RASAL3: variants seen among roughly 807,000 people sequenced by gnomAD.
RASAL3 encodes the protein RAS protein activator like-3.
RASAL3 carries 74 observed loss-of-function variants against 105.5 expected under a neutral mutation model. The observed-to-expected ratio is 0.70, with a 90% CI of 0.58 to 0.85. The LOEUF (loss-of-function observed/expected upper bound fraction) is 0.85, where lower values mean the gene tolerates loss of function less well. RASAL3 is among the 40% of genes least tolerant of loss of function. RASAL3 has a pLI of 0.00. For missense variants in RASAL3, 1,352 were observed against 1,392.0 expected, an observed-to-expected ratio of 0.97 and a Z score of 0.46; for synonymous variants, 579 against 591.6, an observed-to-expected ratio of 0.98 and a Z score of 0.31.
rs761364531 is a variant in RASAL3, at chr19:15,456,178, C to T, written c.1647G>A (p.Ser549=). Residue 549 remains serine (S), a synonymous_variant, in exon 11 of 18, where the codon TCG becomes TCA. Transcript: ENST00000343625. The surrounding 1 kb of genome is among the most constrained non-coding windows in gnomAD (Gnocchi z 4.4). ...CEVDPSKCPA[S]ELPEHQARLR... ...GTCTGGCCTGGTGCTCTGGCAGCTCCGAGGCTGGACATTTGCTGGGGTCCA... is the reference window on the plus strand; with the variant it reads ...GTCTGGCCTGGTGCTCTGGCAGCTCTGAGGCTGGACATTTGCTGGGGTCCA... 2 of 1,613,768 alleles carry T rather than the reference C, an allele frequency of 1.2e-6. No homozygotes were observed. Among genetic ancestry groups the T allele is most frequent in the South Asian group, 1.1e-5 (1 of 91,072 alleles).
At position 15,457,228 on chromosome 19, in the gene RASAL3, C is replaced by T. The variant is rs1599740928; in HGVS notation, c.1431+64G>A. ...CAACTCAGGTCCTGCGCCCCAACTCCTGCCCGAAGCGCGTTATCGGTCTAC... is the reference window on the plus strand; with the variant it reads ...CAACTCAGGTCCTGCGCCCCAACTCTTGCCCGAAGCGCGTTATCGGTCTAC... On this transcript the variant is annotated intron_variant, in intron 9 of 17. Coordinates refer to ENST00000343625, the MANE Select transcript of RASAL3 (RefSeq NM_022904.3). The surrounding 1 kb of genome is among the most constrained non-coding windows in gnomAD (Gnocchi z 8.6). 1 of 1,213,434 alleles carries T rather than the reference C, an allele frequency of 8.2e-7. No individual in the cohort carries two copies. Among genetic ancestry groups the T allele is most frequent in the South Asian group, 2.9e-5 (1 of 34,184 alleles). The allele number at this position is 1,213,434 out of a possible 1,614,324, so 75.2% of individuals were successfully genotyped here.
At chr19:15,452,558 C>T in intron 16 of RASAL3, 100 bp downstream of exon 16, 2 of 976,194 alleles carry the variant, frequency 2.0e-6, no homozygotes, top group Non-Finnish European at 2.7e-6. Context: ...TGGGGCTTGG[C>T]CGTGCTAGGC....
rs144548656 is a variant in RASAL3, at chr19:15,459,744, C to T, written c.662+459G>A. ...TAGAAATGGGGTCTCACTATGTTGC[C>T]CAGGCTGGTCTCGAACTCCTAGACT... On this transcript the variant is annotated intron_variant, in intron 6 of 17. Transcript: ENST00000343625. Among the ~76,000 whole-genome samples, 1,263 of 152,244 alleles carry T rather than the reference C, an allele frequency of 8.3e-3. 18 individuals carry two copies. Among genetic ancestry groups the T allele is most frequent in the African/African-American group, 0.028 (1,165 of 41,534 alleles).
At position 15,451,732 on chromosome 19, in the gene RASAL3, ACC is replaced by A; in HGVS notation, c.*61_*62del. On this transcript the variant is annotated 3_prime_UTR_variant, in exon 18 of 18. Coordinates refer to ENST00000343625, the MANE Select transcript of RASAL3 (RefSeq NM_022904.3). ...AAGTAGGGCTAAGGCAAAGTCAGAC[ACC>A]CCCCCTAAGATGGCTATCTCTCTGC... 6.5e-7 allele frequency: 1 copy of A among 1,529,646 alleles called. No individual in the cohort carries two copies. The highest frequency in any genetic ancestry group is 2.3e-5 in the East Asian group (1 of 43,802). The allele number at this position is 1,529,646 out of a possible 1,614,324, so 94.8% of individuals were successfully genotyped here.
chr19:15,460,056 C>T (rs181810333), intron 6 of RASAL3, 147 bp downstream of exon 6: 3 of 677,986 alleles, frequency 4.4e-6, no homozygotes, highest in Admixed American at 3.0e-5. Flanking sequence ...TGTGCTAGAT[C>T]ATTCAATGTC....
rs114196856 is a variant in RASAL3 at position 15,463,085 on chromosome 19, T to C, written c.328+946A>G. 2.7e-3 allele frequency among the ~76,000 whole-genome samples: 410 copies of C among 151,878 alleles called. 2 individuals are homozygous for C. Among genetic ancestry groups the C allele is most frequent in the African/African-American group, 9.3e-3 (387 of 41,500 alleles). On this transcript the variant is annotated intron_variant, in intron 2 of 17. Coordinates refer to ENST00000343625, the MANE Select transcript of RASAL3 (RefSeq NM_022904.3). ...CATCTGTCATTTTTTTTCTTTCTTT[T>C]TTTTTTTTTTCTTCCATTGAGATGG... is the stretch of plus-strand genomic sequence containing the variant.
chr19:15,461,572 G>A lies in RASAL3; in HGVS notation c.364C>T (p.Pro122Ser). 1 of 1,532,584 alleles carries A rather than the reference G, an allele frequency of 6.5e-7. No homozygotes were observed. Among genetic ancestry groups the A allele is most frequent in the East Asian group, 2.4e-5 (1 of 42,418 alleles). 94.9% of individuals were successfully genotyped at this position (1,532,584 alleles called of 1,614,324 possible). Residue 122 changes from proline to serine, a missense_variant, in exon 3 of 18, where the codon CCA (proline) becomes TCA (serine). Pro to Ser is a moderately conservative substitution (Grantham distance 74). Coordinates refer to ENST00000343625, the MANE Select transcript of RASAL3 (RefSeq NM_022904.3). ...EPEPELEPPT[P>S]QIPEAPTPNV... ...GGTGTGGGGGCCTCAGGGATCTGTG[G>A]GGTAGGGGGCTCCAGCTCTGGCTCC...
At chr19:15,460,020 G>A (rs1970459426) in intron 6 of RASAL3, among the ~76,000 whole-genome samples, 183 bp downstream of exon 6, 1 of 152,160 alleles carries the variant, frequency 6.6e-6, no homozygotes, top group Non-Finnish European at 1.5e-5. Flanking sequence ...GAGTTATTGT[G>A]TCAGACTTTG....
Position 15,454,911 on chromosome 19 carries a change from A to G in RASAL3, c.1722-18T>C, listed in dbSNP as rs749492571. ...GGAACCAGCTGGTGCAGAAGAGGCA[A>G]TGAATGGTCAGACGGGGAGGCTATG... On this transcript the variant is annotated intron_variant, in intron 11 of 17. Transcript: ENST00000343625. The G allele has an allele frequency of 2.6e-6, 4 of 1,528,512 alleles. No homozygotes were observed. Among genetic ancestry groups the G allele is most frequent in the Admixed American group, 2.0e-5 (1 of 49,740 alleles). The allele number at this position is 1,528,512 out of a possible 1,614,324, so 94.7% of individuals were successfully genotyped here.
Position 15,460,114 on chromosome 19 carries a change from T to C in RASAL3, c.662+89A>G, listed in dbSNP as rs1441464775. The C allele has an allele frequency of 4.5e-6, 5 of 1,101,442 alleles. No homozygotes were observed. In the African/African-American group the frequency reaches 7.9e-5, roughly 17 times the overall value. 68.2% of individuals were successfully genotyped at this position (1,101,442 alleles called of 1,614,324 possible). A position where few individuals can be genotyped will look rare whatever the true frequency, so the allele number is the denominator to read the frequency against. On this transcript the variant is annotated intron_variant, in intron 6 of 17. Coordinates refer to ENST00000343625, the MANE Select transcript of RASAL3 (RefSeq NM_022904.3). ...CAGAACACAGAGGCCACAGGGGGTG[T>C]TTGGTGTAGATTGGAATGATATGCA... is the stretch of plus-strand genomic sequence containing the variant.
At chr19:15,464,400 T>C (rs1337500113) in intron 1 of RASAL3, 23 bp from the exon 2 acceptor site, 4 of 1,123,184 alleles carry the variant, frequency 3.6e-6, no homozygotes, top group Non-Finnish European at 5.2e-6. Flanking sequence ...AGAGTGACAG[T>C]AGTGCCCAGT....
At position 15,461,348 on chromosome 19, in the gene RASAL3, A is replaced by C. The variant is rs1224138474; in HGVS notation, c.466-52T>G. ...AGAGAGGGGAGGCAGGCAGGCAGGC[A>C]GGCAGGCAGACCGAGGGAGAGGCAG... On this transcript the variant is annotated intron_variant, in intron 3 of 17. Coordinates refer to ENST00000343625, the MANE Select transcript of RASAL3 (RefSeq NM_022904.3). 28 of 1,579,726 alleles carry C rather than the reference A, an allele frequency of 1.8e-5. No homozygotes were observed. In the East Asian group the frequency reaches 6.0e-4, roughly 34 times the overall value.
rs1446571867 is a variant in RASAL3, at chr19:15,454,276, G to A, written c.2161-9C>T. 6.4e-7 allele frequency: 1 copy of A among 1,564,250 alleles called. No homozygotes were observed. Among genetic ancestry groups the A allele is most frequent in the African/African-American group, 1.4e-5 (1 of 73,736 alleles). On this transcript the variant is annotated splice_polypyrimidine_tract_variant and intron_variant, in intron 13 of 17. Coordinates refer to ENST00000343625, the MANE Select transcript of RASAL3 (RefSeq NM_022904.3). Reference sequence around the variant, plus strand: ...AGGGTGTCTCGGGTTGTCTGGTGAGGCATGCAGGACAGAGACTGAGCAAAG... The same window carrying A: ...AGGGTGTCTCGGGTTGTCTGGTGAGACATGCAGGACAGAGACTGAGCAAAG...
At position 15,454,568 on chromosome 19, in the gene RASAL3, T is replaced by G; in HGVS notation, c.1959-6A>C. 3 of 1,612,712 alleles carry G rather than the reference T, an allele frequency of 1.9e-6. No individual in the cohort carries two copies. The highest frequency in any genetic ancestry group is 2.5e-6 in the Non-Finnish European group (3 of 1,179,480). Reference sequence around the variant, plus strand: ...AGGCCTCCTTCTCACCGAACCTGGATCAGGGCCAGGCTGGGTGGGTCAGGT... The same window carrying G: ...AGGCCTCCTTCTCACCGAACCTGGAGCAGGGCCAGGCTGGGTGGGTCAGGT... On this transcript the variant is annotated splice_region_variant and splice_polypyrimidine_tract_variant and intron_variant, in intron 12 of 17. Coordinates refer to ENST00000343625, the MANE Select transcript of RASAL3 (RefSeq NM_022904.3).
chr19:15,457,258 G>A lies in RASAL3; in HGVS notation c.1431+34C>T. On this transcript the variant is annotated intron_variant, in intron 9 of 17. Coordinates refer to ENST00000343625, the MANE Select transcript of RASAL3 (RefSeq NM_022904.3). This position sits in a 1 kb window ranked among gnomAD's most constrained non-coding sequence, Gnocchi z 8.6. ...CGAAGCGCGTTATCGGTCTACCCCT[G>A]GTAGCCCCGGTCCGCGCTGTCGCGG... The A allele has an allele frequency of 8.0e-7, 1 of 1,248,678 alleles. No individual in the cohort carries two copies. The highest frequency in any genetic ancestry group is 2.7e-5 in the South Asian group (1 of 37,260). 77.3% of individuals were successfully genotyped at this position (1,248,678 alleles called of 1,614,324 possible).
At position 15,454,688 on chromosome 19, in the gene RASAL3, T is replaced by G. The variant is rs1010414330; in HGVS notation, c.1927A>C (p.Lys643Gln). Residue 643 changes from lysine to glutamine, a missense_variant, in exon 12 of 18, where the codon AAG becomes CAG. Coordinates refer to ENST00000343625, the MANE Select transcript of RASAL3 (RefSeq NM_022904.3). ...CGGTTGGCGAGGTTCTGGATGACCT[T>G]GGCAATCAGTGTGAGGGTGCGGGCT... ...GPARTLTLIA[K>Q]VIQNLANRAP... The G allele has an allele frequency of 4.3e-6, 7 of 1,609,700 alleles. No homozygotes were observed. Among genetic ancestry groups the G allele is most frequent in the Non-Finnish European group, 5.9e-6 (7 of 1,177,194 alleles).
chr19:15,452,801 C>A lies in RASAL3; in HGVS notation c.2685G>T (p.Gln895His). 6.4e-7 allele frequency: 1 copy of A among 1,556,520 alleles called. No homozygotes were observed. The highest frequency in any genetic ancestry group is 8.7e-7 in the Non-Finnish European group (1 of 1,149,602). The change falls in exon 16 of 18, where the codon CAG becomes CAT. Residue 895 changes from glutamine to histidine, a missense_variant. Coordinates refer to ENST00000343625, the MANE Select transcript of RASAL3 (RefSeq NM_022904.3). ...CCTCACGCAGAGCGGCCACCTCGCA[C>A]TGCAGCTCTGCCAACTGTGGTGGGA... is the stretch of plus-strand genomic sequence containing the variant. ...HRPVNKLAEL[Q>H]CEVAALREEQ...
rs1398927140 is a variant in RASAL3, at chr19:15,457,326, A to T, written c.1397T>A (p.Met466Lys). Residue 466 changes from methionine to lysine, a missense_variant, in exon 9 of 18, where the codon ATG becomes AAG. Around this residue, in one of 3 missense-constraint regions of RASAL3, gnomAD observed 920 missense variants for 919.6 expected, o/e 1.00. Coordinates refer to ENST00000343625, the MANE Select transcript of RASAL3 (RefSeq NM_022904.3). This position sits in a 1 kb window ranked among gnomAD's most constrained non-coding sequence, Gnocchi z 8.6. Reference protein sequence around the residue: ...AQAKEELAAAMVRVLRATGRA... With the variant: ...AQAKEELAAAKVRVLRATGRA... ...GCCGGTGGCCCGCAGCACGCGCACCATGGCTGCCGCCAGCTCCTCCTTGGC... is the reference window on the plus strand; with the variant it reads ...GCCGGTGGCCCGCAGCACGCGCACCTTGGCTGCCGCCAGCTCCTCCTTGGC... 7.4e-7 allele frequency: 1 copy of T among 1,358,726 alleles called. No individual in the cohort carries two copies. Among genetic ancestry groups the T allele is most frequent in the Non-Finnish European group, 9.4e-7 (1 of 1,060,802 alleles). The allele number at this position is 1,358,726 out of a possible 1,614,324, so 84.2% of individuals were successfully genotyped here.
In RASAL3 at chr19:15,460,218, A is replaced by G. The variant is rs760338432; in HGVS notation, c.647T>C (p.Leu216Ser). The change falls in exon 6 of 18, where the codon TTG (leucine) becomes TCG (serine). Residue 216 changes from leucine to serine, a missense_variant. Leu to Ser is a moderately radical substitution (Grantham distance 145, BLOSUM62 -2). Transcript: ENST00000343625. ...ACACCCTTACCCATCCCGGGGCTCC[A>G]ACCTGGCCTTTTTCTTCTCTTTCAG... ...KRLKEKKKAR[L>S]EPRDGPPSAL... 1.9e-6 allele frequency: 3 copies of G among 1,608,396 alleles called. No homozygotes were observed. The South Asian group carries it at 3.4e-5, about 18-fold the overall frequency.
Sources: gnomAD v4.1 joint callset for allele counts (sites outside exome capture counted in the v4.1 genomes callset) on GRCh38, gnomAD v4.1.1 for gene constraint, gnomAD v4.1.1 regional missense constraint, Gnocchi (gnomAD v3.1) non-coding constraint, MANE v1.5 for transcripts, NCBI Gene and HGNC (gene_info 2026-07-23, HGNC 2026-07-21) for gene names.